Variants in ALYREF observed in about 807,000 individuals in gnomAD.
The protein encoded by ALYREF is THO complex subunit 4.
Under a neutral mutation model 25.2 loss-of-function variants are expected in ALYREF, and 1 was observed. The observed-to-expected ratio is 0.04, with a 90% CI of 0.01 to 0.19. ALYREF has a LOEUF of 0.19. ALYREF is among the 10% of genes least tolerant of loss of function. The pLI, the probability that ALYREF is intolerant of heterozygous loss-of-function variation, is 1.00. For missense variants in ALYREF, 328 were observed against 375.6 expected (o/e 0.87, Z 1.05); for synonymous variants, 193 against 153.5 (o/e 1.26, Z -1.90).
intron 2 of ALYREF, chr17:81,889,758 C>G (rs1388866454): frequency 5.9e-6 from 1 of 169,090 alleles, no homozygotes; most frequent in East Asian, 1.6e-4. Context: ...CCCAGCCCCT[C>G]CCCCAAAGGC....
chr17:81,889,400 C>A (rs1202262620), intron 2 of ALYREF, 71 bp from the exon 3 acceptor site: 3 of 1,569,932 alleles, frequency 1.9e-6, no homozygotes, highest in Non-Finnish European at 2.6e-6. Flanking sequence ...CAGGGACAGG[C>A]CCTGGAAGCG....
chr17:81,888,871 G>A lies in ALYREF; in HGVS notation c.539-288C>T, dbSNP rs549354792. On this transcript the variant is annotated intron_variant, in intron 3 of 5. Coordinates refer to ENST00000505490, the MANE Select transcript of ALYREF (RefSeq NM_005782.4). The surrounding 1 kb of genome is among the most constrained non-coding windows in gnomAD (Gnocchi z 5.8). ...GTGGGTGACCTGACGAAGAAGAACCGGTACCTTTGTCTTTACGACTACAGC... is the reference window on the plus strand; with the variant it reads ...GTGGGTGACCTGACGAAGAAGAACCAGTACCTTTGTCTTTACGACTACAGC... 4.4e-5 allele frequency: 62 copies of A among 1,407,576 alleles called. No homozygotes were observed. Among genetic ancestry groups the A allele is most frequent in the Non-Finnish European group, 5.4e-5 (58 of 1,082,726 alleles). The allele number at this position is 1,407,576 out of a possible 1,614,324, so 87.2% of individuals were successfully genotyped here.
At chr17:81,890,588 T>A in intron 2 of ALYREF, 101 bp downstream of exon 2, 1 of 1,527,238 alleles carries the variant, frequency 6.5e-7, no homozygotes. Flanking sequence ...CTGGGAGGGC[T>A]CCCTTCGCTA....
chr17:81,891,104 G>T, intron 1 of ALYREF: 1 of 656,732 alleles, frequency 1.5e-6, no homozygotes, highest in Non-Finnish European at 2.4e-6. Flanking sequence ...AACAAACAAA[G>T]AGCTGGGAAG....
Position 81,889,341 on chromosome 17 carries a change from A to G in ALYREF, c.391-12T>C. ...TCAGCAAAGAGTTCCTGGGAGTTGC[A>G]GAGAGCAGTTGTCAGAAAAGCAACA... On this transcript the variant is annotated splice_polypyrimidine_tract_variant and intron_variant, in intron 2 of 5. Coordinates refer to ENST00000505490, the MANE Select transcript of ALYREF (RefSeq NM_005782.4). 6.2e-7 allele frequency: 1 copy of G among 1,612,956 alleles called. No homozygotes were observed. Among genetic ancestry groups the G allele is most frequent in the Non-Finnish European group, 8.5e-7 (1 of 1,178,924 alleles).
intron 1 of ALYREF, 60 bp from the exon 2 acceptor site, chr17:81,890,880 C>T (rs2039508901): frequency 6.2e-7 from 1 of 1,610,960 alleles, no homozygotes. Context: ...CTTTCCTGAC[C>T]CTCACGGCTA....
chr17:81,890,309 C>A (rs2039494300), intron 2 of ALYREF, among the ~76,000 whole-genome samples: 1 of 152,134 alleles, frequency 6.6e-6, no homozygotes, highest in East Asian at 1.9e-4. Context: ...TCACAAGATA[C>A]ATAAAGAAGA....
rs945834383 is a variant in ALYREF at position 81,888,195 on chromosome 17, C to T, written c.780+46G>A. On this transcript the variant is annotated intron_variant, in intron 5 of 5. Transcript: ENST00000505490. This position sits in a 1 kb window ranked among gnomAD's most constrained non-coding sequence, Gnocchi z 5.8. ...TTGCATTCACAGGCGGCCTGCTCCC[C>T]ACTGCGGCTTTGACCAGGCCCCCAG... is the stretch of plus-strand genomic sequence containing the variant. 1 of 1,613,998 alleles carries T rather than the reference C, an allele frequency of 6.2e-7. No homozygotes were observed.
intron 1 of ALYREF, 162 bp from the exon 2 acceptor site, chr17:81,890,982 GCCGCACGGT>G: frequency 9.1e-7 from 1 of 1,098,522 alleles, no homozygotes; most frequent in Non-Finnish European, 1.3e-6. Context: ...CCAGCCCGAG[GCCGCACGGT>G]CCCACCGCGG....
Position 81,888,653 on chromosome 17 carries a change from C to T in ALYREF, c.539-70G>A, listed in dbSNP as rs2039463273. 3 of 1,544,418 alleles carry T rather than the reference C, an allele frequency of 1.9e-6. No individual in the cohort carries two copies. Among genetic ancestry groups the T allele is most frequent in the Admixed American group, 2.0e-5 (1 of 50,832 alleles). On this transcript the variant is annotated intron_variant, in intron 3 of 5. Transcript: ENST00000505490. The surrounding 1 kb of genome is among the most constrained non-coding windows in gnomAD (Gnocchi z 5.8). The stretch of plus-strand genomic sequence containing the variant: ...GAAACCCACCCAGCTGGCGCCACAC[C>T]CTGGTCTCCATGCAAACACTGGAAA...
rs1050309275 is a variant in ALYREF, at chr17:81,890,929, C to A, written c.259-109G>T. 3.8e-5 allele frequency: 57 copies of A among 1,512,884 alleles called. No individual in the cohort carries two copies. The African/African-American group carries it at 7.2e-4, about 19-fold the overall frequency. 93.7% of individuals were successfully genotyped at this position (1,512,884 alleles called of 1,614,324 possible). A position where few individuals can be genotyped will look rare whatever the true frequency, so the allele number is the denominator to read the frequency against. ...CTCTTCCCGGCCTGAGAGGATCCGG[C>A]CGAAACGGGGCCGCCAGCGCTCCCT... On this transcript the variant is annotated intron_variant, in intron 1 of 5. Transcript: ENST00000505490.
Position 81,888,068 on chromosome 17 carries a change from C to A in ALYREF, c.*63G>T, listed in dbSNP as rs1242600749. The stretch of plus-strand genomic sequence containing the variant: ...TGGCCGCACAGCCCCAGCCACCGCC[C>A]CCCAACCAGGGAGCAAGAGGAGACG... On this transcript the variant is annotated 3_prime_UTR_variant, in exon 6 of 6. Transcript: ENST00000505490. The surrounding 1 kb of genome is among the most constrained non-coding windows in gnomAD (Gnocchi z 5.8). 3.1e-6 allele frequency: 5 copies of A among 1,610,346 alleles called. No individual in the cohort carries two copies. In the African/African-American group the frequency reaches 6.7e-5, roughly 22 times the overall value.
chr17:81,889,327 T>C lies in ALYREF; in HGVS notation c.393A>G (p.Glu131=). The change falls in exon 3 of 6, where the codon GAA becomes GAG. Residue 131 remains glutamate, a splice_region_variant and synonymous_variant. Coordinates refer to ENST00000505490, the MANE Select transcript of ALYREF (RefSeq NM_005782.4). ...TCAGCGTTCCAAATTCAGCAAAGAG[T>C]TCCTGGGAGTTGCAGAGAGCAGTTG... ...DFGVSDADIQ[E]LFAEFGTLKK... The C allele has an allele frequency of 6.2e-7, 1 of 1,613,716 alleles. No homozygotes were observed. The highest frequency in any genetic ancestry group is 8.5e-7 in the Non-Finnish European group (1 of 1,179,688).
Position 81,888,619 on chromosome 17 carries a change from A to T in ALYREF, c.539-36T>A. 6.4e-7 allele frequency: 1 copy of T among 1,567,106 alleles called. No homozygotes were observed. The highest frequency in any genetic ancestry group is 1.2e-5 in the South Asian group (1 of 85,734). ...GAATACGAGAAGGCACGTTCTATTGAGAGGCTCTGAAACCCACCCAGCTGG... is the reference window on the plus strand; with the variant it reads ...GAATACGAGAAGGCACGTTCTATTGTGAGGCTCTGAAACCCACCCAGCTGG... On this transcript the variant is annotated intron_variant, in intron 3 of 5. Coordinates refer to ENST00000505490, the MANE Select transcript of ALYREF (RefSeq NM_005782.4). The surrounding 1 kb of genome is among the most constrained non-coding windows in gnomAD (Gnocchi z 5.8).
Sources: gnomAD v4.1 joint callset for allele counts (sites outside exome capture counted in the v4.1 genomes callset) on GRCh38, gnomAD v4.1.1 for gene constraint, Gnocchi (gnomAD v3.1) non-coding constraint, MANE v1.5 for transcripts, NCBI Gene and HGNC (gene_info 2026-07-23, HGNC 2026-07-21) for gene names.